The following DEPDC1B variants were observed in gnomAD, a reference collection of about 807,000 sequenced individuals.
The protein encoded by DEPDC1B is DEP domain containing 1B, also known as DEP domain-containing protein 1B.
A neutral mutation model predicts 66.5 loss-of-function variants in DEPDC1B; 51 were observed. The ratio of observed to expected loss-of-function variants is 0.77; its 90% confidence interval spans 0.61 to 0.97. The LOEUF is 0.97. Ranked by LOEUF, DEPDC1B falls within the 50% of genes least tolerant of loss-of-function variation. DEPDC1B has a pLI of 0.00. For missense variants in DEPDC1B, 552 were observed against 637.1 expected, an observed-to-expected ratio of 0.87 and a Z score of 1.44; for synonymous variants, 226 against 223.6, an observed-to-expected ratio of 1.01 and a Z score of -0.10.
intron 7 of DEPDC1B, among the ~76,000 whole-genome samples, chr5:60,618,468 C>T (rs1030910507): frequency 6.6e-6 from 1 of 152,196 alleles, no homozygotes; most frequent in Non-Finnish European, 1.5e-5. Flanking sequence ...CACCACCTAT[C>T]CCACAGAAAT....
intron 2 of DEPDC1B, among the ~76,000 whole-genome samples, chr5:60,686,720 G>T (rs1050391234): frequency 6.6e-6 from 1 of 152,206 alleles, no homozygotes; most frequent in Non-Finnish European, 1.5e-5. Flanking sequence ...GGCATGAAAA[G>T]ATTACCTTAC....
rs1332193285 is a variant in DEPDC1B, at chr5:60,686,923, C to T, written c.314+39G>A. On this transcript the variant is annotated intron_variant, in intron 2 of 10. Coordinates refer to ENST00000265036, the MANE Select transcript of DEPDC1B (RefSeq NM_018369.3). ...GACTTGGACCAGATTCACTCATCTC[C>T]CCAATTCCTCACCTTCCAGGTTTAC... The T allele has an allele frequency of 2.5e-6, 4 of 1,607,346 alleles. No homozygotes were observed. The South Asian group carries it at 3.3e-5, about 13-fold the overall frequency.
rs1401639464 is a variant in DEPDC1B at position 60,676,138 on chromosome 5, G to T, written c.314+10824C>A. On this transcript the variant is annotated intron_variant, in intron 2 of 10. Transcript: ENST00000265036. ...GTAAAGACGGGATTTCACTGTGTTA[G>T]CCAGGATGGTCTCGATCTCCTGACC... 4.6e-5 allele frequency among the ~76,000 whole-genome samples: 7 copies of T among 151,628 alleles called. No individual in the cohort carries two copies. The East Asian group carries it at 1.4e-3, about 29-fold the overall frequency.
At position 60,623,845 on chromosome 5, in the gene DEPDC1B, G is replaced by A. The variant is rs982950954; in HGVS notation, c.898+14905C>T. ...GGGGTTTTGTTTTAGTTTTCCAATT[G>A]ATTTTTATACAGTGGTCTTATATCC... is the stretch of plus-strand genomic sequence containing the variant. On this transcript the variant is annotated intron_variant, in intron 7 of 10. Coordinates refer to ENST00000265036, the MANE Select transcript of DEPDC1B (RefSeq NM_018369.3). Among the ~76,000 whole-genome samples the A allele has an allele frequency of 1.6e-4, 24 of 151,990 alleles. 2 individuals are homozygous for A. The highest frequency in any genetic ancestry group is 1.2e-3 in the East Asian group (6 of 5,192).
chr5:60,667,642 A>AAATGGATATTTTACATGTATAT lies in DEPDC1B; in HGVS notation c.314+19298_314+19319dup, dbSNP rs1223793185. Among the ~76,000 whole-genome samples, 869 of 124,704 alleles carry AAATGGATATTTTACATGTATAT rather than the reference A, an allele frequency of 7.0e-3. 13 individuals carry two copies. Among genetic ancestry groups the AAATGGATATTTTACATGTATAT allele is most frequent in the Non-Finnish European group, 0.013 (730 of 56,852 alleles). 81.8% of individuals were successfully genotyped at this position (124,704 alleles called of 152,430 possible). On this transcript the variant is annotated intron_variant, in intron 2 of 10. Coordinates refer to ENST00000265036, the MANE Select transcript of DEPDC1B (RefSeq NM_018369.3). ...AAAATGGATATTTTACATATATGAA[A>AAATGGATATTTTACATGTATAT]AATGGATATTTTACATGTATATAAT...
intron 2 of DEPDC1B, among the ~76,000 whole-genome samples, chr5:60,656,985 A>G (rs1013828186): frequency 6.6e-6 from 1 of 152,176 alleles, no homozygotes; most frequent in African/African-American, 2.4e-5. Context: ...TTAGGTACAT[A>G]TATATTTAGG....
intron 1 of DEPDC1B, among the ~76,000 whole-genome samples, chr5:60,691,215 AG>A (rs1754537389): frequency 6.6e-6 from 1 of 152,010 alleles, no homozygotes; most frequent in Admixed American, 6.6e-5. Flanking sequence ...CACCACACCC[AG>A]CTTATTTTTA....
chr5:60,684,940 G>A (rs990864063), intron 2 of DEPDC1B, among the ~76,000 whole-genome samples: 1 of 152,182 alleles, frequency 6.6e-6, no homozygotes, highest in East Asian at 1.9e-4. Flanking sequence ...CTCAAAAGAA[G>A]ACATACAACT....
intron 2 of DEPDC1B, among the ~76,000 whole-genome samples, chr5:60,686,651 A>C (rs1754418171): frequency 1.3e-5 from 2 of 152,156 alleles, no homozygotes; most frequent in Non-Finnish European, 1.5e-5. Flanking sequence ...CTGTTTCACC[A>C]TTTCAGATTC....
chr5:60,642,818 C>A lies in DEPDC1B; in HGVS notation c.751G>T (p.Ala251Ser), dbSNP rs1394769580. Residue 251 changes from alanine to serine, a missense_variant, in exon 6 of 11, where the codon GCA becomes TCA. Physicochemically the swap from Ala to Ser is moderately conservative, Grantham distance 99. Transcript: ENST00000265036. ...GCAGATAATTAGTACTTACAATTTG[C>A]CAAACACTTCATAGCTGACAGCACC... ...HWVLSAMKCL[A>S]NWPNCSDLKQ... The A allele has an allele frequency of 1.9e-6, 3 of 1,609,726 alleles. No homozygotes were observed. In the Admixed American group the frequency reaches 5.1e-5, roughly 27 times the overall value.
At chr5:60,686,435 G>A (rs1045206815) in intron 2 of DEPDC1B, among the ~76,000 whole-genome samples, 20 of 152,196 alleles carry the variant, frequency 1.3e-4, no homozygotes, top group Non-Finnish European at 4.4e-5. Context: ...GGCGGTAAGT[G>A]TCCACATGAT....
Position 60,638,853 on chromosome 5 carries a change from C to T in DEPDC1B, c.795G>A (p.Leu265=). The T allele has an allele frequency of 4.3e-6, 7 of 1,613,090 alleles. No individual in the cohort carries two copies. Among genetic ancestry groups the T allele is most frequent in the South Asian group, 1.1e-5 (1 of 90,910 alleles). Residue 265 remains leucine (L), a synonymous_variant, in exon 7 of 11, where the codon TTG becomes TTA. Transcript: ENST00000265036. ...NCSDLKQPMY[L]GFEKDVFKTI... ...TTTTAAAGACATCTTTTTCAAATCC[C>T]AAGTACATAGGCTGCTTCAAATCAG...
intron 2 of DEPDC1B, among the ~76,000 whole-genome samples, chr5:60,651,460 G>A (rs563667152): frequency 8.6e-5 from 13 of 151,774 alleles, no homozygotes; most frequent in East Asian, 1.9e-4. Flanking sequence ...CCCAGGAGGC[G>A]GAGGTTGCAG....
intron 2 of DEPDC1B, among the ~76,000 whole-genome samples, chr5:60,680,844 T>C (rs1176256849): frequency 6.6e-6 from 1 of 152,112 alleles, no homozygotes; most frequent in Non-Finnish European, 1.5e-5. Context: ...CATTCACTAA[T>C]ATATTTGATA....
intron 8 of DEPDC1B, among the ~76,000 whole-genome samples, chr5:60,604,218 C>CTTTTTTTTTGT (rs1752264851): frequency 2.9e-5 from 2 of 68,970 alleles, no homozygotes; most frequent in East Asian, 5.4e-4. Flanking sequence ...ATTAACTATT[C>CTTTTTTTTTGT]TTTTTTTTTT....
intron 7 of DEPDC1B, among the ~76,000 whole-genome samples, chr5:60,616,905 C>G (rs910003251): frequency 5.3e-5 from 8 of 152,156 alleles, no homozygotes; most frequent in Non-Finnish European, 1.0e-4. Context: ...AGGTTACCCA[C>G]AAAGGGAAGC....
intron 1 of DEPDC1B, among the ~76,000 whole-genome samples, chr5:60,697,377 A>G (rs1754681072): frequency 6.6e-6 from 1 of 152,172 alleles, no homozygotes; most frequent in African/African-American, 2.4e-5. Flanking sequence ...TTGTATCCCA[A>G]TAGATTTTTA....
intron 2 of DEPDC1B, among the ~76,000 whole-genome samples, chr5:60,685,842 A>C (rs1754400229): frequency 6.6e-6 from 1 of 152,202 alleles, no homozygotes; most frequent in Admixed American, 6.5e-5. Context: ...AAGGTCTCAG[A>C]ATAGGTCAAG....
intron 9 of DEPDC1B, among the ~76,000 whole-genome samples, chr5:60,601,036 C>T (rs150269365): frequency 2.4e-3 from 362 of 152,224 alleles, no homozygotes; most frequent in South Asian, 4.6e-3. Flanking sequence ...CCCTTTTGCT[C>T]GGTGCTTCTC....
Sources: gnomAD v4.1 joint callset for allele counts (sites outside exome capture counted in the v4.1 genomes callset) on GRCh38, gnomAD v4.1.1 for gene constraint, MANE v1.5 for transcripts, NCBI Gene and HGNC (gene_info 2026-07-23, HGNC 2026-07-21) for gene names.